ELF5: variants seen among roughly 807,000 people sequenced by gnomAD.
ELF5 encodes ETS-related transcription factor Elf-5.
ELF5 carries 31 observed loss-of-function variants against 38.2 expected under a neutral mutation model. The ratio of observed to expected loss-of-function variants is 0.81; its 90% CI spans 0.61 to 1.10. The LOEUF (loss-of-function observed/expected upper bound fraction) is 1.10, where lower values mean the gene tolerates loss of function less well. ELF5 is among the 50% of genes least tolerant of loss of function. The probability of loss-of-function intolerance (pLI) is 0.00; values close to 1 mark genes in which losing one functional copy is unlikely to be tolerated. For missense variants in ELF5, 300 were observed against 306.6 expected (o/e 0.98, Z 0.16); for synonymous variants, 121 against 112.5 (o/e 1.08, Z -0.48).
chr11:34,507,238 C>T (rs1004149877), intron 1 of ELF5, among the ~76,000 whole-genome samples: 4 of 152,180 alleles, frequency 2.6e-5, no homozygotes, highest in East Asian at 1.9e-4. Flanking sequence ...GTTTTGGAGA[C>T]GAGTGTGGAC....
intron 2 of ELF5, among the ~76,000 whole-genome samples, chr11:34,497,373 T>C (rs1850498702): frequency 1.3e-5 from 2 of 152,188 alleles, no homozygotes; most frequent in South Asian, 4.1e-4. Context: ...AGGTCACTAT[T>C]ATTAAGCAGC....
chr11:34,508,346 T>C (rs1850661360), intron 1 of ELF5, among the ~76,000 whole-genome samples: 1 of 151,930 alleles, frequency 6.6e-6, no homozygotes, highest in Non-Finnish European at 1.5e-5. Flanking sequence ...CTACTAAAAA[T>C]ACAAACATTA....
At chr11:34,487,537 T>C (rs1200090813) in intron 4 of ELF5, among the ~76,000 whole-genome samples, 1 of 152,182 alleles carries the variant, frequency 6.6e-6, no homozygotes, top group Non-Finnish European at 1.5e-5. Context: ...AAAATGTAAA[T>C]GTGATCTGAT....
chr11:34,483,579 A>G lies in ELF5; in HGVS notation c.407-1080T>C, dbSNP rs532414990. On this transcript the variant is annotated intron_variant, in intron 4 of 6. Coordinates refer to ENST00000257832, the MANE Select transcript of ELF5 (RefSeq NM_001422.4). ...TACCACACCATACTGTACTATACTA[A>G]CTATACTGTACTATACCACACCATA... 2.0e-5 allele frequency among the ~76,000 whole-genome samples: 3 copies of G among 151,960 alleles called. No individual in the cohort carries two copies. The South Asian group carries it at 6.2e-4, about 32-fold the overall frequency.
At chr11:34,491,926 G>A (rs1850185174) in intron 3 of ELF5, 1 of 152,312 alleles carries the variant, frequency 6.6e-6, no homozygotes, top group East Asian at 1.9e-4. Flanking sequence ...TGCCAGGGAA[G>A]AGAGGTGCTT....
intron 2 of ELF5, among the ~76,000 whole-genome samples, chr11:34,494,838 GCACCT>G (rs1850277705): frequency 6.6e-6 from 1 of 152,148 alleles, no homozygotes; most frequent in Non-Finnish European, 1.5e-5. Context: ...AATAATTACA[GCACCT>G]GTATCATAGT....
chr11:34,506,354 G>A (rs34366473), intron 1 of ELF5, among the ~76,000 whole-genome samples: 45,472 of 151,910 alleles, frequency 0.3, 8,938 homozygotes, highest in Non-Finnish European at 0.42. Flanking sequence ...GGCAGGGAAG[G>A]GGGCCAAGGT....
chr11:34,510,206 T>C lies in ELF5; in HGVS notation c.-5+3471A>G, dbSNP rs1438848456. On this transcript the variant is annotated intron_variant, in intron 1 of 6. Coordinates refer to ENST00000257832, the MANE Select transcript of ELF5 (RefSeq NM_001422.4). ...TTCCTTCTAAGGCAAATTATATCCA[T>C]TAAGTTTTTGTAAAGGGCCTTCTCA... Among the ~76,000 whole-genome samples the C allele has an allele frequency of 2.6e-5, 4 of 152,228 alleles. 1 individual carries two copies. Among genetic ancestry groups the C allele is most frequent in the Non-Finnish European group, 5.9e-5 (4 of 68,046 alleles).
At chr11:34,482,899 A>G in intron 4 of ELF5, among the ~76,000 whole-genome samples, 1 of 152,098 alleles carries the variant, frequency 6.6e-6, no homozygotes, top group South Asian at 2.1e-4. Context: ...GAGCTTATGA[A>G]GGGTAGAAAG....
chr11:34,505,227 A>T (rs1805290904), intron 2 of ELF5, among the ~76,000 whole-genome samples: 1 of 152,204 alleles, frequency 6.6e-6, no homozygotes, highest in Non-Finnish European at 1.5e-5. Flanking sequence ...GGTTTGGTAC[A>T]CAGCTCGTGT....
At chr11:34,484,631 G>A (rs374982746) in intron 4 of ELF5, among the ~76,000 whole-genome samples, 3 of 152,036 alleles carry the variant, frequency 2.0e-5, no homozygotes, top group African/African-American at 7.3e-5. Flanking sequence ...CTGCTGCTTA[G>A]GGTGACCTCT....
intron 4 of ELF5, among the ~76,000 whole-genome samples, chr11:34,489,409 G>A (rs77636533): frequency 3.6e-4 from 55 of 152,232 alleles, no homozygotes; most frequent in African/African-American, 1.3e-3. Context: ...TTTCCTCCTG[G>A]CCTCTGGGCC....
At chr11:34,488,938 C>T (rs896158040) in intron 4 of ELF5, among the ~76,000 whole-genome samples, 1 of 152,198 alleles carries the variant, frequency 6.6e-6, no homozygotes, top group Non-Finnish European at 1.5e-5. Context: ...CAGGCTGCTG[C>T]AGATGGATCA....
intron 1 of ELF5, among the ~76,000 whole-genome samples, chr11:34,509,584 C>T (rs187649061): frequency 5.0e-4 from 75 of 151,326 alleles, no homozygotes; most frequent in Non-Finnish European, 9.0e-4. Flanking sequence ...TGTGATTTTC[C>T]CACGGATTGG....
intron 1 of ELF5, among the ~76,000 whole-genome samples, chr11:34,512,128 C>T (rs1258397187): frequency 6.6e-6 from 1 of 152,150 alleles, no homozygotes; most frequent in African/African-American, 2.4e-5. Flanking sequence ...CCTTGGACCT[C>T]CCTAAGAAGG....
At chr11:34,512,272 C>T (rs1850779695) in intron 1 of ELF5, among the ~76,000 whole-genome samples, 3 of 152,116 alleles carry the variant, frequency 2.0e-5, no homozygotes, top group Non-Finnish European at 2.9e-5. Context: ...GACCTCTTGT[C>T]AAGTGATTCC....
intron 1 of ELF5, among the ~76,000 whole-genome samples, chr11:34,512,336 T>C (rs1485899207): frequency 6.6e-6 from 1 of 152,172 alleles, no homozygotes; most frequent in Non-Finnish European, 1.5e-5. Flanking sequence ...TTTGTAGCTG[T>C]TTTTCTGAAG....
intron 4 of ELF5, among the ~76,000 whole-genome samples, chr11:34,484,479 CTAA>C (rs1857027373): frequency 4.0e-5 from 1 of 25,140 alleles, no homozygotes; most frequent in South Asian, 1.4e-3. Context: ...CTACACTATA[CTAA>C]CTATACTATA....
chr11:34,506,405 G>C (rs1265693160), intron 1 of ELF5, among the ~76,000 whole-genome samples: 1 of 152,202 alleles, frequency 6.6e-6, no homozygotes, highest in Non-Finnish European at 1.5e-5. Context: ...GTACCTGTGT[G>C]ATGAGATCAA....
Sources: gnomAD v4.1 joint callset for allele counts (sites outside exome capture counted in the v4.1 genomes callset) on GRCh38, gnomAD v4.1.1 for gene constraint, MANE v1.5 for transcripts, NCBI Gene and HGNC (gene_info 2026-07-23, HGNC 2026-07-21) for gene names.